GRM8: variants seen among roughly 807,000 people sequenced by gnomAD.
GRM8 encodes the protein glutamate metabotropic receptor 8.
GRM8 carries 47 observed loss-of-function variants against 87.2 expected under a neutral mutation model. That is an observed-to-expected ratio of 0.54 (90% confidence interval 0.43 to 0.69). The LOEUF (loss-of-function observed/expected upper bound fraction) is 0.69, where lower values mean the gene tolerates loss of function less well. Among genes scored for constraint, GRM8 ranks in the 30% least tolerant of loss-of-function variants. The pLI is 0.00. For synonymous variants in GRM8, 396 were observed against 404.5 expected (o/e 0.98, Z 0.25); for missense variants, 1,019 against 1,139.2 (o/e 0.89, Z 1.52).
chr7:126,826,685 T>G (rs1226702349), intron 6 of GRM8, among the ~76,000 whole-genome samples: 1 of 152,172 alleles, frequency 6.6e-6, no homozygotes, highest in African/African-American at 2.4e-5. Flanking sequence ...ACTCTGATGG[T>G]AGTTTCTTTT....
At chr7:126,696,396 T>G (rs181589458) in intron 7 of GRM8, among the ~76,000 whole-genome samples, 5 of 152,138 alleles carry the variant, frequency 3.3e-5, no homozygotes, top group Admixed American at 3.3e-4. Flanking sequence ...CCCCTACTCC[T>G]GACAGGCCCC....
chr7:127,229,309 G>C (rs116300872), intron 2 of GRM8: 4 of 152,174 alleles, frequency 2.6e-5, no homozygotes, highest in Non-Finnish European at 4.4e-5. Context: ...TGGGGCATTC[G>C]GTAAAGGAGT....
intron 7 of GRM8, among the ~76,000 whole-genome samples, chr7:126,623,475 C>T (rs1800377666): frequency 6.6e-6 from 1 of 152,118 alleles, no homozygotes; most frequent in Admixed American, 6.6e-5. Flanking sequence ...TTCAGATTAG[C>T]CCTGTTTCAA....
intron 3 of GRM8, among the ~76,000 whole-genome samples, chr7:126,967,922 C>T (rs1307952024): frequency 4.6e-5 from 7 of 152,168 alleles, no homozygotes; most frequent in Admixed American, 4.6e-4. Flanking sequence ...CTGCCTTAAG[C>T]CTCCATGACT....
intron 1 of GRM8, among the ~76,000 whole-genome samples, chr7:127,244,379 G>A (rs564422031): frequency 6.6e-6 from 1 of 152,284 alleles, no homozygotes; most frequent in East Asian, 1.9e-4. Context: ...ATAACTTGAA[G>A]TGAAAAAGGC....
At chr7:126,942,029 C>G (rs1807001816) in intron 3 of GRM8, among the ~76,000 whole-genome samples, 1 of 152,180 alleles carries the variant, frequency 6.6e-6, no homozygotes, top group Non-Finnish European at 1.5e-5. Flanking sequence ...AGAGAATTAG[C>G]AAAGCCTGTT....
At chr7:126,518,087 C>T (rs935906052) in intron 9 of GRM8, among the ~76,000 whole-genome samples, 1 of 152,032 alleles carries the variant, frequency 6.6e-6, no homozygotes, top group African/African-American at 2.4e-5. Context: ...GCTTAGTAGA[C>T]ACAATGTCCT....
At chr7:126,506,783 G>GA (rs529190047) in intron 9 of GRM8, among the ~76,000 whole-genome samples, 32 of 144,134 alleles carry the variant, frequency 2.2e-4, no homozygotes, top group African/African-American at 6.6e-4. Flanking sequence ...TGTCTCAAAA[G>GA]AAAAAAAAAA....
chr7:126,896,577 T>C (rs1484464059), intron 6 of GRM8, among the ~76,000 whole-genome samples: 4 of 152,088 alleles, frequency 2.6e-5, no homozygotes, highest in Admixed American at 2.0e-4. Flanking sequence ...AGAGGATTGC[T>C]GAGAGGTAGT....
intron 3 of GRM8, among the ~76,000 whole-genome samples, chr7:127,050,649 G>C (rs1819372275): frequency 6.6e-6 from 1 of 152,136 alleles, no homozygotes; most frequent in Non-Finnish European, 1.5e-5. Flanking sequence ...AGGAGTGAGA[G>C]TGAACTTCAA....
intron 7 of GRM8, among the ~76,000 whole-genome samples, chr7:126,718,727 C>T (rs902491741): frequency 1.3e-5 from 2 of 152,210 alleles, no homozygotes; most frequent in Non-Finnish European, 2.9e-5. Context: ...TCCAGAACGG[C>T]CTGAGTGCCA....
intron 8 of GRM8, among the ~76,000 whole-genome samples, chr7:126,603,648 G>A (rs556941568): frequency 6.6e-6 from 1 of 152,092 alleles, no homozygotes; most frequent in African/African-American, 2.4e-5. Context: ...AGGGCCCAGG[G>A]AATTGACTCA....
At chr7:126,531,288 C>G (rs148238641) in intron 9 of GRM8, among the ~76,000 whole-genome samples, 1 of 152,088 alleles carries the variant, frequency 6.6e-6, no homozygotes, top group Non-Finnish European at 1.5e-5. Flanking sequence ...ATTTCTTTAG[C>G]CTTTTTCACA....
intron 3 of GRM8, among the ~76,000 whole-genome samples, chr7:127,083,622 C>A (rs1343174228): frequency 2.0e-5 from 3 of 151,310 alleles, no homozygotes; most frequent in African/African-American, 7.3e-5. Flanking sequence ...TCCTAAGCCC[C>A]CATACTCCTT....
rs1798946590 is a variant in GRM8, at chr7:127,252,854, C to T, written c.-369G>A. The T allele has an allele frequency of 4.5e-6, 1 of 219,780 alleles. No individual in the cohort carries two copies. The highest frequency in any genetic ancestry group is 6.4e-5 in the South Asian group (1 of 15,622). 13.6% of individuals were successfully genotyped at this position (219,780 alleles called of 1,614,324 possible). A position where few individuals can be genotyped will look rare whatever the true frequency, so the allele number is the denominator to read the frequency against. On this transcript the variant is annotated 5_prime_UTR_variant, in exon 1 of 11. Coordinates refer to ENST00000339582, the MANE Select transcript of GRM8 (RefSeq NM_000845.3). The surrounding 1 kb of genome is among the most constrained non-coding windows in gnomAD (Gnocchi z 4.9). ...CCGCCGGGGGCCCGCAGCTCCATGT[C>T]AGCGCCGCCGCCGCCGCCGCCGCCG...
At chr7:126,560,584 G>C (rs1793591914) in intron 8 of GRM8, among the ~76,000 whole-genome samples, 1 of 152,116 alleles carries the variant, frequency 6.6e-6, no homozygotes. Context: ...CACTGTTTTT[G>C]TGTAGGAACA....
At chr7:126,797,554 C>T (rs1284632073) in intron 6 of GRM8, among the ~76,000 whole-genome samples, 1 of 151,996 alleles carries the variant, frequency 6.6e-6, no homozygotes, top group Non-Finnish European at 1.5e-5. Flanking sequence ...CAGCAGTGTG[C>T]AAATTTATCA....
At chr7:126,521,726 G>A (rs1184974534) in intron 9 of GRM8, among the ~76,000 whole-genome samples, 1 of 152,004 alleles carries the variant, frequency 6.6e-6, no homozygotes, top group Non-Finnish European at 1.5e-5. Context: ...TCTAAAATTT[G>A]CCCAAGCACA....
intron 8 of GRM8, among the ~76,000 whole-genome samples, chr7:126,600,927 A>G (rs1797677009): frequency 8.8e-6 from 1 of 114,220 alleles, no homozygotes; most frequent in South Asian, 3.7e-4. Context: ...TAAGAACTAG[A>G]GTGGCATTTT....
Sources: gnomAD v4.1 joint callset for allele counts (sites outside exome capture counted in the v4.1 genomes callset) on GRCh38, gnomAD v4.1.1 for gene constraint, Gnocchi (gnomAD v3.1) non-coding constraint, MANE v1.5 for transcripts, NCBI Gene and HGNC (gene_info 2026-07-23, HGNC 2026-07-21) for gene names.